Variants in MLYCD observed in about 807,000 individuals in gnomAD.
MLYCD encodes the protein malonyl-CoA decarboxylase.
A neutral mutation model predicts 35.8 loss-of-function variants in MLYCD; 27 were observed. That is an observed-to-expected ratio of 0.75 (90% CI 0.56 to 1.04). The LOEUF (loss-of-function observed/expected upper bound fraction) is 1.04, where lower values mean the gene tolerates loss of function less well. MLYCD is among the 50% of genes least tolerant of loss of function. MLYCD has a pLI of 0.00. For synonymous variants in MLYCD, 403 were observed against 302.4 expected (o/e 1.33, Z -3.45); for missense variants, 917 against 665.1 (o/e 1.38, Z -4.17).
intron 1 of MLYCD, among the ~76,000 whole-genome samples, chr16:83,905,660 G>C (rs562601674): frequency 3.9e-4 from 59 of 152,348 alleles, no homozygotes; most frequent in Non-Finnish European, 6.5e-4. Flanking sequence ...CCAAGGGCCT[G>C]CTCCTGCTGT....
chr16:83,910,000 G>A (rs1240167678), intron 3 of MLYCD, among the ~76,000 whole-genome samples: 1 of 151,984 alleles, frequency 6.6e-6, no homozygotes, highest in Admixed American at 6.6e-5. Context: ...CATGATCATC[G>A]AGCAAGTAAG....
rs753474144 is a variant in MLYCD, at chr16:83,899,556, C to T, written c.412C>T (p.Arg138Cys). The change falls in exon 1 of 5, where the codon CGC becomes TGC. Residue 138 changes from arginine (R) to cysteine (C), a missense_variant. Physicochemically the swap from Arg to Cys is radical, Grantham distance 180 (BLOSUM62 -3). Coordinates refer to ENST00000262430, the MANE Select transcript of MLYCD (RefSeq NM_012213.3). The part of the protein sequence containing the change: ...RLRYALVPRY[R>C]GLFHHISKLD... ...GCGCTACGCGCTGGTGCCGCGCTAT[C>T]GCGGCCTCTTCCACCACATCAGCAA... 6 of 1,592,854 alleles carry T rather than the reference C, an allele frequency of 3.8e-6. No individual in the cohort carries two copies. The highest frequency in any genetic ancestry group is 2.3e-5 in the East Asian group (1 of 44,374).
At position 83,915,165 on chromosome 16, in the gene MLYCD, G is replaced by T. The variant is rs1907329665; in HGVS notation, c.1158G>T (p.Gln386His). ...KLLLSSSEWV[Q>H]SEKLVRALQT... The stretch of plus-strand genomic sequence containing the variant: ...TCCTCAGCAGCAGCGAGTGGGTGCA[G>T]TCGGAGAAGCTGGTGCGGGCGCTGC... The change falls in exon 5 of 5, where the codon CAG becomes CAT. Residue 386 changes from glutamine to histidine, a missense_variant. Transcript: ENST00000262430. 1 of 1,614,216 alleles carries T rather than the reference G, an allele frequency of 6.2e-7. No individual in the cohort carries two copies. The highest frequency in any genetic ancestry group is 8.5e-7 in the Non-Finnish European group (1 of 1,180,002).
chr16:83,910,840 C>G (rs1907151071), intron 3 of MLYCD, among the ~76,000 whole-genome samples: 3 of 152,198 alleles, frequency 2.0e-5, no homozygotes, highest in Admixed American at 2.0e-4. Flanking sequence ...GTCATGAGCT[C>G]TCCCCCTTTC....
Position 83,912,244 on chromosome 16 carries a change from A to G in MLYCD, c.825A>G (p.Ser275=), listed in dbSNP as rs1907205416. The G allele has an allele frequency of 1.2e-6, 2 of 1,614,128 alleles. No individual in the cohort carries two copies. Among genetic ancestry groups the G allele is most frequent in the South Asian group, 2.2e-5 (2 of 91,090 alleles). The change falls in exon 4 of 5, where the codon TCA becomes TCG. Residue 275 remains serine (S), a synonymous_variant. Coordinates refer to ENST00000262430, the MANE Select transcript of MLYCD (RefSeq NM_012213.3). The part of the protein sequence containing the change: ...IQAIVKEHPP[S]ETEEKNKITA... The stretch of plus-strand genomic sequence containing the variant: ...CAATCGTGAAGGAACATCCTCCATC[A>G]GAAACAGAAGAGAAGAACAAAATCA...
chr16:83,920,746 GAGA>G lies in MLYCD; in HGVS notation c.*5259_*5261del, dbSNP rs1449366283. 6.6e-5 allele frequency: 10 copies of G among 152,222 alleles called. No homozygotes were observed. Among genetic ancestry groups the G allele is most frequent in the Non-Finnish European group, 8.8e-5 (6 of 68,044 alleles). The allele number at this position is 152,222 out of a possible 1,614,324, so 9.4% of individuals were successfully genotyped here. ...AATTTCAAACATATGTAAAAGCAGG[GAGA>G]AATTGCATAACGAACCTACAGACCT... is the stretch of plus-strand genomic sequence containing the variant. On this transcript the variant is annotated 3_prime_UTR_variant, in exon 5 of 5. Coordinates refer to ENST00000262430, the MANE Select transcript of MLYCD (RefSeq NM_012213.3).
intron 3 of MLYCD, among the ~76,000 whole-genome samples, 154 bp downstream of exon 3, chr16:83,908,436 A>G (rs78758878): frequency 6.6e-6 from 1 of 151,276 alleles, no homozygotes; most frequent in Non-Finnish European, 1.5e-5. Flanking sequence ...TAAAATCTCC[A>G]GATTTGTAGG....
At position 83,917,753 on chromosome 16, in the gene MLYCD, G is replaced by A. The variant is rs1907473372; in HGVS notation, c.*2264G>A. 6.6e-6 allele frequency: 1 copy of A among 152,266 alleles called. No homozygotes were observed. The highest frequency in any genetic ancestry group is 2.4e-5 in the African/African-American group (1 of 41,444). 9.4% of individuals were successfully genotyped at this position (152,266 alleles called of 1,614,324 possible). ...CCTTACCGTCTTTGCTTAGCTTTTG[G>A]CCTAGACCTTAAAGACCAGCAGTCT... On this transcript the variant is annotated 3_prime_UTR_variant, in exon 5 of 5. Transcript: ENST00000262430.
chr16:83,910,940 G>A (rs934212105), intron 3 of MLYCD, among the ~76,000 whole-genome samples: 3 of 152,162 alleles, frequency 2.0e-5, no homozygotes, highest in African/African-American at 7.2e-5. Flanking sequence ...CCTCAGGGCA[G>A]ATATGCATAG....
rs1310891074 is a variant in MLYCD at position 83,910,378 on chromosome 16, T to G, written c.799-1840T>G. ...TTTGCATAAGGAATCACAAGATAAT[T>G]TGCAGACTTCTTAAAAAACAAAGGA... On this transcript the variant is annotated intron_variant, in intron 3 of 4. Transcript: ENST00000262430. Among the ~76,000 whole-genome samples the G allele has an allele frequency of 4.6e-5, 7 of 151,886 alleles. No homozygotes were observed. In the South Asian group the frequency reaches 1.2e-3, roughly 27 times the overall value.
At position 83,901,935 on chromosome 16, in the gene MLYCD, C is replaced by T. The variant is rs935045683; in HGVS notation, c.528+2263C>T. On this transcript the variant is annotated intron_variant, in intron 1 of 4. Coordinates refer to ENST00000262430, the MANE Select transcript of MLYCD (RefSeq NM_012213.3). The stretch of plus-strand genomic sequence containing the variant: ...AACGACAGTCTGATCTTTGCCTCTG[C>T]ATATGGTTTGGACATAATGGCTTCA... 2.0e-5 allele frequency among the ~76,000 whole-genome samples: 3 copies of T among 152,208 alleles called. No homozygotes were observed. In the South Asian group the frequency reaches 6.2e-4, roughly 32 times the overall value.
At chr16:83,912,859 C>G (rs1322132066) in intron 4 of MLYCD, 1 of 220,794 alleles carries the variant, frequency 4.5e-6, no homozygotes, top group Non-Finnish European at 9.2e-6. Flanking sequence ...GAGGTGAGAC[C>G]AGACAGCTCG....
In MLYCD at chr16:83,899,389, C is replaced by A; in HGVS notation, c.245C>A (p.Ala82Asp). 2.6e-6 allele frequency: 4 copies of A among 1,527,848 alleles called. No homozygotes were observed. The highest frequency in any genetic ancestry group is 1.7e-6 in the Non-Finnish European group (2 of 1,146,662). The allele number at this position is 1,527,848 out of a possible 1,614,324, so 94.6% of individuals were successfully genotyped here. A position where few individuals can be genotyped will look rare whatever the true frequency, so the allele number is the denominator to read the frequency against. Residue 82 changes from alanine to aspartate, a missense_variant, in exon 1 of 5, where the codon GCC (alanine) becomes GAC (aspartate). Physicochemically the swap from Ala to Asp is moderately radical, Grantham distance 126 (BLOSUM62 -2). Coordinates refer to ENST00000262430, the MANE Select transcript of MLYCD (RefSeq NM_012213.3). ...VSFYGGLAET[A>D]QRAELLGRLA... ...TTCTACGGTGGGCTGGCCGAGACGG[C>A]CCAGCGGGCCGAACTGCTGGGCCGC...
Position 83,920,457 on chromosome 16 carries a change from A to AC in MLYCD, c.*4973dup, listed in dbSNP as rs1037427663. The AC allele has an allele frequency of 3.3e-5, 5 of 151,806 alleles. No homozygotes were observed. Among genetic ancestry groups the AC allele is most frequent in the African/African-American group, 4.8e-5 (2 of 41,290 alleles). 9.4% of individuals were successfully genotyped at this position (151,806 alleles called of 1,614,324 possible). ...GCAGAGCTGGGAGACACGCAGGAAG[A>AC]CCCCCAGCCCATGCCCGTTCTCAGG... On this transcript the variant is annotated 3_prime_UTR_variant, in exon 5 of 5. Transcript: ENST00000262430.
At position 83,924,451 on chromosome 16, in the gene MLYCD, C is replaced by G. The variant is rs1207368085; in HGVS notation, c.*8962C>G. On this transcript the variant is annotated 3_prime_UTR_variant, in exon 5 of 5. Transcript: ENST00000262430. ...GCTTGCTTCTGAAGCTCCCGTGCGT[C>G]TGTGACAGAGGCTTGAACCCCCGGC... 1 of 152,232 alleles carries G rather than the reference C, an allele frequency of 6.6e-6. No homozygotes were observed. The highest frequency in any genetic ancestry group is 1.5e-5 in the Non-Finnish European group (1 of 68,064). 9.4% of individuals were successfully genotyped at this position (152,232 alleles called of 1,614,324 possible).
rs539519867 is a variant in MLYCD at position 83,925,727 on chromosome 16, G to C, written c.*10238G>C. The C allele has an allele frequency of 6.5e-6, 1 of 152,800 alleles. No homozygotes were observed. The highest frequency in any genetic ancestry group is 3.3e-3 in the Middle Eastern group (1 of 302). The allele number at this position is 152,800 out of a possible 1,614,324, so 9.5% of individuals were successfully genotyped here. On this transcript the variant is annotated 3_prime_UTR_variant, in exon 5 of 5. Coordinates refer to ENST00000262430, the MANE Select transcript of MLYCD (RefSeq NM_012213.3). ...GGACTCCCTGTCCTCCCTCCTTCCTGCGTGGCACATGCTCCTCCCTCTTCT... is the reference window on the plus strand; with the variant it reads ...GGACTCCCTGTCCTCCCTCCTTCCTCCGTGGCACATGCTCCTCCCTCTTCT...
chr16:83,906,047 G>T (rs762285294), intron 1 of MLYCD, among the ~76,000 whole-genome samples: 12 of 152,162 alleles, frequency 7.9e-5, no homozygotes, highest in Non-Finnish European at 1.5e-4. Context: ...TGCATTGGTT[G>T]CCAGATACGC....
chr16:83,907,355 C>T (rs1182243141), intron 2 of MLYCD, among the ~76,000 whole-genome samples: 2 of 152,100 alleles, frequency 1.3e-5, no homozygotes, highest in East Asian at 1.9e-4. Context: ...TTATTTGTGT[C>T]CTCTTATTTA....
At position 83,915,509 on chromosome 16, in the gene MLYCD, C is replaced by T. The variant is rs1485859255; in HGVS notation, c.*20C>T. ...CTCTGACAGTAAACCTCTCCTAAAG[C>T]ACAGGGCCCCGGCTAAGAAAACGAT... On this transcript the variant is annotated 3_prime_UTR_variant, in exon 5 of 5. Transcript: ENST00000262430. 1 of 1,606,678 alleles carries T rather than the reference C, an allele frequency of 6.2e-7. No individual in the cohort carries two copies. Among genetic ancestry groups the T allele is most frequent in the South Asian group, 1.1e-5 (1 of 91,008 alleles).
Sources: allele counts gnomAD v4.1 joint callset (sites outside exome capture counted in the v4.1 genomes callset), GRCh38; gene constraint gnomAD v4.1.1; transcripts MANE v1.5; gene names NCBI Gene and HGNC (gene_info 2026-07-23, HGNC 2026-07-21).